The following FHL2 variants were observed in gnomAD, a reference collection of about 807,000 sequenced individuals.
FHL2 encodes four and a half LIM domains protein 2.
Under a neutral mutation model 32.7 loss-of-function variants are expected in FHL2, and 20 were observed. That is an observed-to-expected ratio of 0.61 (90% CI 0.43 to 0.89). The LOEUF (loss-of-function observed/expected upper bound fraction) is 0.89, where lower values mean the gene tolerates loss of function less well. FHL2 is among the 40% of genes least tolerant of loss of function. FHL2 has a pLI of 0.00. For missense variants in FHL2, 311 were observed against 358.6 expected (o/e 0.87, Z 1.07); for synonymous variants, 123 against 128.1 (o/e 0.96, Z 0.27).
chr2:105,363,556 G>C, intron 5 of FHL2, 85 bp from the exon 6 acceptor site: 1 of 1,281,554 alleles, frequency 7.8e-7, no homozygotes, highest in Non-Finnish European at 1.1e-6. Flanking sequence ...GACGATGCAA[G>C]ATCCTCATCC....
At chr2:105,401,436 T>C (rs1207938559), upstream of FHL2, among the ~76,000 whole-genome samples, 1 of 152,216 alleles carries the variant, frequency 6.6e-6, no homozygotes, top group African/African-American at 2.4e-5. Flanking sequence ...CTTACTAGTC[T>C]GTCTCCTTTT....
At position 105,383,107 on chromosome 2, in the gene FHL2, A is replaced by G. The variant is rs187040982; in HGVS notation, c.156+3254T>C. Among the ~76,000 whole-genome samples the G allele has an allele frequency of 6.6e-5, 10 of 152,342 alleles. No individual in the cohort carries two copies. In the East Asian group the frequency reaches 1.9e-3, roughly 29 times the overall value. On this transcript the variant is annotated intron_variant, in intron 3 of 6. Transcript: ENST00000530340. ...CGCCATGTTGGCCAGGCTGGTCTCC[A>G]GCTCCTGGCCTCAAGTGTTCCACCT...
Position 105,367,717 on chromosome 2 carries a change from C to T in FHL2, c.354G>A (p.Lys118=), listed in dbSNP as rs776805346. Residue 118 remains lysine, a synonymous_variant, in exon 5 of 7, where the codon AAG becomes AAA. Transcript: ENST00000530340. The stretch of plus-strand genomic sequence containing the variant: ...AGCAGGTCTCATGCCAGCTGCTGCC[C>T]TTGTACTCCATCTTGCGGGTACCTG... The part of the protein sequence containing the change: ...IMPGTRKMEY[K]GSSWHETCFI... The T allele has an allele frequency of 1.2e-5, 20 of 1,614,046 alleles. No homozygotes were observed. Among genetic ancestry groups the T allele is most frequent in the East Asian group, 4.5e-5 (2 of 44,880 alleles).
intron 6 of FHL2, among the ~76,000 whole-genome samples, chr2:105,362,270 A>C (rs958065482): frequency 1.3e-4 from 20 of 152,338 alleles, no homozygotes; most frequent in Middle Eastern, 6.8e-3. Flanking sequence ...ATATTTTAAC[A>C]TAGGTAAAGT....
At chr2:105,431,828 G>A (rs1484801648) in intron 1 of FHL2, among the ~76,000 whole-genome samples, 1 of 152,186 alleles carries the variant, frequency 6.6e-6, no homozygotes, top group Non-Finnish European at 1.5e-5. Flanking sequence ...CAAGGCTGGC[G>A]GAGGTTTGCT....
intron 2 of FHL2, among the ~76,000 whole-genome samples, chr2:105,388,937 G>A (rs1180825236): frequency 2.6e-5 from 4 of 152,234 alleles, no homozygotes; most frequent in African/African-American, 9.6e-5. Flanking sequence ...AGATAGGCGA[G>A]TGAAATGCCA....
chr2:105,376,960 G>C (rs533797871), intron 3 of FHL2, among the ~76,000 whole-genome samples: 1 of 152,334 alleles, frequency 6.6e-6, no homozygotes, highest in African/African-American at 2.4e-5. Flanking sequence ...GAGATACTTA[G>C]GGAAGTCACA....
intron 1 of FHL2, among the ~76,000 whole-genome samples, chr2:105,422,480 T>TAAA (rs1684133567): frequency 2.6e-5 from 4 of 152,154 alleles, no homozygotes; most frequent in Non-Finnish European, 5.9e-5. Context: ...TATTTATAGT[T>TAAA]TCCTCTTGGT....
At chr2:105,415,006 T>C (rs561252831) in intron 1 of FHL2, among the ~76,000 whole-genome samples, 10 of 152,388 alleles carry the variant, frequency 6.6e-5, no homozygotes, top group African/African-American at 2.2e-4. Flanking sequence ...TTGGCTTACA[T>C]ATCTTTTGAT....
At chr2:105,421,131 C>T (rs747015733) in intron 1 of FHL2, among the ~76,000 whole-genome samples, 5 of 152,210 alleles carry the variant, frequency 3.3e-5, no homozygotes, top group South Asian at 4.1e-4. Context: ...GTCCAGTGCT[C>T]CCTTGATAAA....
intron 5 of FHL2, among the ~76,000 whole-genome samples, chr2:105,365,128 AC>A (rs1300237314): frequency 2.0e-5 from 3 of 152,128 alleles, no homozygotes; most frequent in African/African-American, 7.2e-5. Flanking sequence ...GCATAGCATG[AC>A]TTTCTCAGAG....
At chr2:105,406,365 T>C (rs4352253) in intron 1 of FHL2, among the ~76,000 whole-genome samples, 109,264 of 152,078 alleles carry the variant, frequency 0.72, 39,488 homozygotes, top group African/African-American at 0.8. Context: ...ATTGTCTCCA[T>C]GGAGGGCCGG....
intron 4 of FHL2, among the ~76,000 whole-genome samples, chr2:105,370,032 G>A (rs1227803081): frequency 6.6e-6 from 1 of 152,186 alleles, no homozygotes; most frequent in Non-Finnish European, 1.5e-5. Flanking sequence ...CAAGTCTCCC[G>A]CAGGCGGAAG....
chr2:105,399,262 CT>C (rs1440793200), upstream of FHL2: 1 of 1,535,750 alleles, frequency 6.5e-7, no homozygotes, highest in East Asian at 2.4e-5. Flanking sequence ...CCCTCCGGGT[CT>C]TGGGAGCACA....
upstream of FHL2, among the ~76,000 whole-genome samples, chr2:105,403,621 C>CT (rs1329022163): frequency 6.6e-6 from 1 of 152,338 alleles, no homozygotes; most frequent in African/African-American, 2.4e-5. Flanking sequence ...CCAGCTCCTG[C>CT]TTTAACACGC....
At chr2:105,419,687 C>G (rs1409694306) in intron 1 of FHL2, among the ~76,000 whole-genome samples, 1 of 152,204 alleles carries the variant, frequency 6.6e-6, no homozygotes, top group African/African-American at 2.4e-5. Context: ...GCAAATTTAT[C>G]ACCCTTTGTT....
At chr2:105,399,915 A>C (rs1558719692), upstream of FHL2, among the ~76,000 whole-genome samples, 1 of 152,134 alleles carries the variant, frequency 6.6e-6, no homozygotes, top group Non-Finnish European at 1.5e-5. Flanking sequence ...CAGGTGTATT[A>C]TTTTTAACAT....
At position 105,361,249 on chromosome 2, in the gene FHL2, T is replaced by C; in HGVS notation, c.*34A>G. 1 of 1,592,818 alleles carries C rather than the reference T, an allele frequency of 6.3e-7. No homozygotes were observed. The highest frequency in any genetic ancestry group is 1.7e-5 in the Admixed American group (1 of 57,510). On this transcript the variant is annotated 3_prime_UTR_variant, in exon 7 of 7. Coordinates refer to ENST00000530340, the MANE Select transcript of FHL2 (RefSeq NM_001318895.3). Reference sequence around the variant, plus strand: ...GAAAGAAAACATAAAAATCTGTGTGTGAGATCACAAGCAGCAACTTCTCTG... The same window carrying C: ...GAAAGAAAACATAAAAATCTGTGTGCGAGATCACAAGCAGCAACTTCTCTG...
At chr2:105,404,098 T>C (rs1217010208), upstream of FHL2, among the ~76,000 whole-genome samples, 1 of 152,168 alleles carries the variant, frequency 6.6e-6, no homozygotes, top group Non-Finnish European at 1.5e-5. Flanking sequence ...TAGGATGAGC[T>C]CACCATTACC....
Sources: allele counts gnomAD v4.1 joint callset (sites outside exome capture counted in the v4.1 genomes callset), GRCh38; gene constraint gnomAD v4.1.1; transcripts MANE v1.5; gene names NCBI Gene and HGNC (gene_info 2026-07-23, HGNC 2026-07-21).